Variants in ARID3C observed in about 807,000 individuals in gnomAD.
The protein encoded by ARID3C is AT-rich interaction domain 3C, also known as AT-rich interactive domain-containing protein 3C.
Under a neutral mutation model 37.9 loss-of-function variants are expected in ARID3C, and 42 were observed. That is an observed-to-expected ratio of 1.11 (90% CI 0.87 to 1.43). The LOEUF (loss-of-function observed/expected upper bound fraction) is 1.43, where lower values mean the gene tolerates loss of function less well. Among genes scored for constraint, ARID3C ranks in the 40% most tolerant of loss-of-function variants. The pLI is 0.00. For missense variants in ARID3C, 581 were observed against 548.8 expected (o/e 1.06, Z -0.59); for synonymous variants, 213 against 228.0 (o/e 0.93, Z 0.59).
Position 34,621,569 on chromosome 9 carries a change from G to A in ARID3C, c.1139-11C>T, listed in dbSNP as rs757486162. ...GGGCAAAGAGGACACCTGGCAAAGGGGTGAGGAGATGGTAGAGGGCAAAAA... is the reference window on the plus strand; with the variant it reads ...GGGCAAAGAGGACACCTGGCAAAGGAGTGAGGAGATGGTAGAGGGCAAAAA... On this transcript the variant is annotated splice_polypyrimidine_tract_variant and intron_variant, in intron 6 of 6. Coordinates refer to ENST00000378909, the Ensembl canonical transcript of ARID3C. 6.4e-7 allele frequency: 1 copy of A among 1,573,356 alleles called. No individual in the cohort carries two copies. The highest frequency in any genetic ancestry group is 8.6e-7 in the Non-Finnish European group (1 of 1,167,008).
chr9:34,622,264 C>T (rs951239921), intron 5 of ARID3C, 83 bp downstream of exon 6: 15 of 1,569,420 alleles, frequency 9.6e-6, no homozygotes, highest in Admixed American at 6.9e-5. Context: ...CTGTCTGCCC[C>T]GTCTCTAACA....
upstream of ARID3C, among the ~76,000 whole-genome samples, chr9:34,632,673 A>G (rs1300649639): frequency 2.0e-5 from 3 of 152,136 alleles, no homozygotes; most frequent in African/African-American, 7.2e-5. Context: ...GTATTTGATG[A>G]TGGATTGGAT....
chr9:34,627,725 T>C lies in ARID3C; in HGVS notation c.290A>G (p.Glu97Gly), dbSNP rs1401161163. 1.9e-6 allele frequency: 3 copies of C among 1,613,234 alleles called. No individual in the cohort carries two copies. The East Asian group carries it at 6.7e-5, about 36-fold the overall frequency. ...CTTGAATTGTTCCTCGTAGGTCCAC[T>C]CGTGGGGATGGAGTCCAGGGGGCTG... Residue 97 changes from glutamate to glycine, a missense_variant, in exon 1 of 7, where the codon GAG (glutamate) becomes GGG (glycine). Transcript: ENST00000378909.
chr9:34,623,771 C>G, intron 3 of ARID3C, 57 bp from the exon 5 acceptor site: 1 of 1,500,684 alleles, frequency 6.7e-7, no homozygotes, highest in African/African-American at 1.4e-5. Flanking sequence ...CTGGTCAAGT[C>G]CCACAGCCGG....
At chr9:34,630,047 G>A (rs1213664908), upstream of ARID3C, among the ~76,000 whole-genome samples, 1 of 152,162 alleles carries the variant, frequency 6.6e-6, no homozygotes, top group East Asian at 1.9e-4. Flanking sequence ...ACAGGCATGA[G>A]CTACCGTACC....
chr9:34,632,298 TGGGATAGA>T (rs1396047975), upstream of ARID3C, among the ~76,000 whole-genome samples: 2 of 152,158 alleles, frequency 1.3e-5, no homozygotes, highest in African/African-American at 4.8e-5. Context: ...ACAAATATCC[TGGGATAGA>T]ATTTTGCTTG....
chr9:34,623,531 G>A (rs200520372), exon 4 of ARID3C: 50 of 1,570,930 alleles, frequency 3.2e-5, no homozygotes, highest in Admixed American at 7.7e-5. Context: ...GAGGGGCGGG[G>A]CCGGGACCCA....
chr9:34,621,381 G>C (rs1820554887), exon 7 of ARID3C: 3 of 1,082,944 alleles, frequency 2.8e-6, no homozygotes, highest in Admixed American at 3.2e-5. Flanking sequence ...AGAGTGGGCA[G>C]CCAGAAAGAA....
Position 34,626,881 on chromosome 9 carries a change from A to G in ARID3C, c.318+816T>C, listed in dbSNP as rs77553721. Among the ~76,000 whole-genome samples the G allele has an allele frequency of 9.1e-4, 138 of 152,296 alleles. No homozygotes were observed. The East Asian group carries it at 0.022, about 24-fold the overall frequency. On this transcript the variant is annotated intron_variant, in intron 1 of 6. Transcript: ENST00000378909. ...AGATCAACACTTTTGGAATATACCC[A>G]GACCAACACCCTACAAGTACCAGAA...
intron 1 of ARID3C, among the ~76,000 whole-genome samples, chr9:34,626,349 G>C (rs1160314083): frequency 1.3e-5 from 2 of 152,116 alleles, no homozygotes; most frequent in Non-Finnish European, 2.9e-5. Flanking sequence ...TGACACCCAG[G>C]GCCCTTCAGC....
chr9:34,629,108 C>A (rs973970587), upstream of ARID3C, among the ~76,000 whole-genome samples: 22 of 152,030 alleles, frequency 1.4e-4, no homozygotes. Flanking sequence ...CGGGGCAGGG[C>A]GGGCGGGGCG....
chr9:34,623,600 G>A (rs780419870), exon 4 of ARID3C: 4 of 1,609,176 alleles, frequency 2.5e-6, no homozygotes, highest in Admixed American at 3.4e-5. Context: ...GCGGAGTAGC[G>A]GTGTAAGCCT....
At chr9:34,628,830 G>A (rs918600742), upstream of ARID3C, among the ~76,000 whole-genome samples, 19 of 152,164 alleles carry the variant, frequency 1.2e-4, no homozygotes, top group African/African-American at 4.1e-4. This position sits in a 1 kb window ranked among gnomAD's most constrained non-coding sequence, Gnocchi z 5.2. Context: ...GGCAGAGCCT[G>A]GGACGGGCAC....
intron 4 of ARID3C, 107 bp downstream of exon 5, chr9:34,623,318 C>A: frequency 7.5e-7 from 1 of 1,341,524 alleles, no homozygotes; most frequent in South Asian, 1.9e-5. Context: ...TGCTCCCATA[C>A]CTCAATGCCT....
exon 1 of ARID3C, chr9:34,627,702 T>G (rs773589349): frequency 6.2e-7 from 1 of 1,608,606 alleles, no homozygotes; most frequent in Non-Finnish European, 8.5e-7. Context: ...CCTACCTGCT[T>G]GAATTGTTCC....
chr9:34,625,520 A>G (rs950671396), intron 2 of ARID3C, among the ~76,000 whole-genome samples: 3 of 69,442 alleles, frequency 4.3e-5, no homozygotes, highest in Non-Finnish European at 9.4e-5. Flanking sequence ...TCCCCCTCCC[A>G]CCCTCCCAAT....
chr9:34,628,759 A>T, upstream of ARID3C, among the ~76,000 whole-genome samples: 1 of 152,164 alleles, frequency 6.6e-6, no homozygotes, highest in Non-Finnish European at 1.5e-5. This position sits in a 1 kb window ranked among gnomAD's most constrained non-coding sequence, Gnocchi z 5.2. Flanking sequence ...GGACGGGAAA[A>T]ACAGCCGGAG....
At chr9:34,622,041 T>C in exon 6 of ARID3C, 1 of 1,614,010 alleles carries the variant, frequency 6.2e-7, no homozygotes, top group Non-Finnish European at 8.5e-7. Context: ...ACCCCGTTGA[T>C]CTCTAGGGCC....
upstream of ARID3C, among the ~76,000 whole-genome samples, chr9:34,632,356 TA>T (rs919135305): frequency 3.3e-5 from 5 of 152,178 alleles, no homozygotes; most frequent in East Asian, 3.9e-4. Context: ...TGGGTTGGAA[TA>T]GGGGGGCTGA....
Sources: allele counts gnomAD v4.1 joint callset (sites outside exome capture counted in the v4.1 genomes callset), GRCh38; gene constraint gnomAD v4.1.1; non-coding constraint Gnocchi (gnomAD v3.1); transcripts MANE v1.5; gene names NCBI Gene and HGNC (gene_info 2026-07-23, HGNC 2026-07-21).